RPF2: variants seen among roughly 807,000 people sequenced by gnomAD.
RPF2 encodes the protein ribosome production factor 2 homolog.
Under a neutral mutation model 38.9 loss-of-function variants are expected in RPF2, and 21 were observed. That is an observed-to-expected ratio of 0.54 (90% CI 0.38 to 0.78). The LOEUF (loss-of-function observed/expected upper bound fraction) is 0.78. RPF2 is among the 30% of genes least tolerant of loss of function. The pLI, the probability that RPF2 is intolerant of heterozygous loss-of-function variation, is 0.00. For synonymous variants in RPF2, 121 were observed against 126.2 expected (o/e 0.96, Z 0.28); for missense variants, 314 against 358.1 (o/e 0.88, Z 0.99).
At chr6:110,991,894 C>T (rs73526773) in intron 4 of RPF2, 108 bp downstream of exon 4, 1 of 380,226 alleles carries the variant, frequency 2.6e-6, no homozygotes, top group Non-Finnish European at 4.9e-6. Flanking sequence ...AGAAGTCATC[C>T]TGTGTGAGGG....
intron 7 of RPF2, among the ~76,000 whole-genome samples, chr6:111,011,883 A>G (rs1011046065): frequency 2.0e-5 from 3 of 152,192 alleles, no homozygotes; most frequent in Non-Finnish European, 1.5e-5. Context: ...AGTGAAAACC[A>G]AAAAGGAATC....
intron 8 of RPF2, among the ~76,000 whole-genome samples, chr6:111,021,634 A>C: frequency 6.6e-6 from 1 of 152,146 alleles, no homozygotes; most frequent in Non-Finnish European, 1.5e-5. Context: ...CTATAGCAAT[A>C]CCATTTAGAT....
In RPF2 at chr6:110,982,072, T is replaced by C. The variant is rs754309995; in HGVS notation, c.-35T>C. The C allele has an allele frequency of 1.2e-6, 2 of 1,613,886 alleles. No homozygotes were observed. The highest frequency in any genetic ancestry group is 1.1e-5 in the South Asian group (1 of 91,080). ...CACGTAATCGCCGAGGGCACGTGCA[T>C]GCCCCCTGGTTAAGAGTTGCAGGTA... On this transcript the variant is annotated 5_prime_UTR_variant, in exon 1 of 10. An upstream start codon of the reference 5' UTR is lost. Transcript: ENST00000441448.
At chr6:110,996,522 G>C (rs978632523) in intron 4 of RPF2, among the ~76,000 whole-genome samples, 1 of 152,100 alleles carries the variant, frequency 6.6e-6, no homozygotes, top group Non-Finnish European at 1.5e-5. Context: ...TGATAGTAGT[G>C]ATATCCTGCG....
rs991657988 is a variant in RPF2, at chr6:111,004,726, G to A, written c.394-3312G>A. ...CCCAAGTAGCTGGTTGAGCCACCACGCCTGGCTAATTTCTGTAGTTTTAGT... is the reference window on the plus strand; with the variant it reads ...CCCAAGTAGCTGGTTGAGCCACCACACCTGGCTAATTTCTGTAGTTTTAGT... On this transcript the variant is annotated intron_variant, in intron 6 of 9. Coordinates refer to ENST00000441448, the MANE Select transcript of RPF2 (RefSeq NM_032194.3). Among the ~76,000 whole-genome samples the A allele has an allele frequency of 7.2e-5, 11 of 151,776 alleles. No homozygotes were observed. The East Asian group carries it at 1.6e-3, about 22-fold the overall frequency.
chr6:111,010,575 G>A (rs1220316068), intron 7 of RPF2, among the ~76,000 whole-genome samples: 1 of 152,170 alleles, frequency 6.6e-6, no homozygotes, highest in Admixed American at 6.6e-5. Flanking sequence ...TGACAGCCGC[G>A]AGGCCTCCAT....
At chr6:111,023,815 A>C (rs1379650968) in intron 8 of RPF2, among the ~76,000 whole-genome samples, 1 of 151,768 alleles carries the variant, frequency 6.6e-6, no homozygotes, top group East Asian at 1.9e-4. Context: ...GTGAAACCCC[A>C]TCTCTACTAA....
rs371364118 is a variant in RPF2 at position 111,001,311 on chromosome 6, G to A, written c.393+1524G>A. Among the ~76,000 whole-genome samples, 313 of 152,080 alleles carry A rather than the reference G, an allele frequency of 2.1e-3. 2 individuals carry two copies. The highest frequency in any genetic ancestry group is 0.013 in the South Asian group (63 of 4,820). On this transcript the variant is annotated intron_variant, in intron 6 of 9. Transcript: ENST00000441448. ...ATCAGTAAAGATAATATTTTGTAAC[G>A]TATTTTGTAAAGTACATAAACTGTG...
Position 110,991,398 on chromosome 6 carries a change from C to CTT in RPF2, c.195-334_195-333dup, listed in dbSNP as rs35689923. Among the ~76,000 whole-genome samples, 892 of 135,502 alleles carry CTT rather than the reference C, an allele frequency of 6.6e-3. 8 individuals are homozygous for CTT. Among genetic ancestry groups the CTT allele is most frequent in the African/African-American group, 0.023 (843 of 36,964 alleles). 88.9% of individuals were successfully genotyped at this position (135,502 alleles called of 152,430 possible). A position where few individuals can be genotyped will look rare whatever the true frequency, so the allele number is the denominator to read the frequency against. ...AAGCCACTGTGCTCGGCGCCCCCTG[C>CTT]TTTTTTTTTTTTTTTTAACACACTT... On this transcript the variant is annotated intron_variant, in intron 3 of 9. Transcript: ENST00000441448.
chr6:111,011,774 T>G lies in RPF2; in HGVS notation c.493+3637T>G, dbSNP rs557214858. Reference sequence around the variant, plus strand: ...GAGAGAGCTTTTGTTTGCATTTGTTTAAATGTTTTTTGTATTTTAATAAGC... The same window carrying G: ...GAGAGAGCTTTTGTTTGCATTTGTTGAAATGTTTTTTGTATTTTAATAAGC... On this transcript the variant is annotated intron_variant, in intron 7 of 9. Coordinates refer to ENST00000441448, the MANE Select transcript of RPF2 (RefSeq NM_032194.3). Among the ~76,000 whole-genome samples, 8 of 152,334 alleles carry G rather than the reference T, an allele frequency of 5.3e-5. No individual in the cohort carries two copies. In the East Asian group the frequency reaches 1.5e-3, roughly 29 times the overall value.
chr6:111,001,034 T>C (rs1354913449), intron 6 of RPF2, among the ~76,000 whole-genome samples: 5 of 152,216 alleles, frequency 3.3e-5, no homozygotes, highest in African/African-American at 1.2e-4. Context: ...TAAGCAACTT[T>C]ATCCCGTGAG....
chr6:110,990,784 G>C (rs1216362635), intron 3 of RPF2, among the ~76,000 whole-genome samples: 2 of 152,032 alleles, frequency 1.3e-5, no homozygotes, highest in Non-Finnish European at 2.9e-5. Context: ...TGTTGGCCAG[G>C]CTGGTCTCAG....
At chr6:110,989,433 A>G (rs1163662837) in intron 3 of RPF2, among the ~76,000 whole-genome samples, 1 of 152,152 alleles carries the variant, frequency 6.6e-6, no homozygotes, top group African/African-American at 2.4e-5. Flanking sequence ...AATGACAGAC[A>G]TATTTGATTA....
intron 3 of RPF2, among the ~76,000 whole-genome samples, chr6:110,989,271 T>C (rs1446287671): frequency 6.6e-6 from 1 of 152,196 alleles, no homozygotes; most frequent in Non-Finnish European, 1.5e-5. Context: ...GCATATATAT[T>C]TTATTTTGAA....
At position 110,990,725 on chromosome 6, in the gene RPF2, C is replaced by T. The variant is rs564734272; in HGVS notation, c.195-1022C>T. Among the ~76,000 whole-genome samples, 153 of 149,120 alleles carry T rather than the reference C, an allele frequency of 1.0e-3. 1 individual carries two copies. Among genetic ancestry groups the T allele is most frequent in the African/African-American group, 3.7e-3 (149 of 39,908 alleles). On this transcript the variant is annotated intron_variant, in intron 3 of 9. Transcript: ENST00000441448. Reference sequence around the variant, plus strand: ...TCAGCCTCCTGAGTAGCTGGGATTACAGGTGCCCAGCTAATTTTTGTATTT... The same window carrying T: ...TCAGCCTCCTGAGTAGCTGGGATTATAGGTGCCCAGCTAATTTTTGTATTT...
chr6:111,023,666 A>G (rs906559279), intron 8 of RPF2, among the ~76,000 whole-genome samples: 2 of 152,086 alleles, frequency 1.3e-5, no homozygotes, highest in East Asian at 1.9e-4. Context: ...TATTTGTGTG[A>G]CCCTTTAGCT....
chr6:110,989,870 G>A (rs964228516), intron 3 of RPF2, among the ~76,000 whole-genome samples: 3 of 151,910 alleles, frequency 2.0e-5, no homozygotes, highest in Non-Finnish European at 2.9e-5. Context: ...TGATCTGCGC[G>A]CCTTGGCCTC....
intron 6 of RPF2, among the ~76,000 whole-genome samples, chr6:111,000,533 C>T (rs1459190569): frequency 6.6e-6 from 1 of 152,046 alleles, no homozygotes; most frequent in Non-Finnish European, 1.5e-5. Flanking sequence ...GTCAGTTCAC[C>T]CTTGGGGAGT....
Position 111,028,249 on chromosome 6 carries a change from C to A in RPF2, c.*2667C>A, listed in dbSNP as rs1357071015. On this transcript the variant is annotated 3_prime_UTR_variant, in exon 10 of 10. Transcript: ENST00000441448. ...TCAAGAAAAGAAAGGGCTAATAAAA[C>A]TTAACTTCAAGTCAGTTTTCATTTA... The A allele has an allele frequency of 6.6e-6, 1 of 151,968 alleles. No homozygotes were observed. The highest frequency in any genetic ancestry group is 1.5e-5 in the Non-Finnish European group (1 of 67,996). The allele number at this position is 151,968 out of a possible 1,614,324, so 9.4% of individuals were successfully genotyped here. A position where few individuals can be genotyped will look rare whatever the true frequency, so the allele number is the denominator to read the frequency against.
Sources: allele counts gnomAD v4.1 joint callset (sites outside exome capture counted in the v4.1 genomes callset), GRCh38; gene constraint gnomAD v4.1.1; transcripts MANE v1.5; gene names NCBI Gene and HGNC (gene_info 2026-07-23, HGNC 2026-07-21).